The following COL10A1 variants were observed in gnomAD, a reference collection of about 807,000 sequenced individuals.
The protein encoded by COL10A1 is collagen type X alpha 1 chain, also known as collagen alpha-1(X) chain.
A neutral mutation model predicts 18.2 loss-of-function variants in COL10A1; 10 were observed. The ratio of observed to expected loss-of-function variants is 0.55; its 90% CI spans 0.34 to 0.93. The LOEUF is 0.93. Among genes scored for constraint, COL10A1 ranks in the 40% least tolerant of loss-of-function variants. COL10A1 has a pLI of 0.02. For synonymous variants in COL10A1, 330 were observed against 316.6 expected, an observed-to-expected ratio of 1.04 and a Z score of -0.45; for missense variants, 897 against 853.5, an observed-to-expected ratio of 1.05 and a Z score of -0.64.
upstream of COL10A1, among the ~76,000 whole-genome samples, chr6:116,161,142 G>T (rs1213708159): frequency 7.0e-6 from 1 of 142,774 alleles, no homozygotes; most frequent in East Asian, 2.1e-4. Flanking sequence ...ATTGAACAAT[G>T]AGAACACATG....
At chr6:116,198,744 T>TA in the COL10A1 span, among the ~76,000 whole-genome samples, 2 of 151,574 alleles carry the variant, frequency 1.3e-5, no homozygotes, top group African/African-American at 2.4e-5. Context: ...AATATTTTTT[T>TA]AAAAAAAGGA....
intron 1 of COL10A1, among the ~76,000 whole-genome samples, chr6:116,151,363 G>T (rs777377649): frequency 2.0e-5 from 3 of 152,118 alleles, no homozygotes. Context: ...TCTCAAAATT[G>T]TACAGGAAGA....
intron 1 of COL10A1, among the ~76,000 whole-genome samples, chr6:116,137,993 G>T (rs759181902): frequency 6.6e-6 from 1 of 151,920 alleles, no homozygotes; most frequent in South Asian, 2.1e-4. Context: ...CAGGAGAATC[G>T]CTTGAACTTG....
rs1295130927 is a variant in COL10A1, at chr6:116,121,271, C to G, written c.845G>C (p.Gly282Ala). ...PGQPGIPGTK[G>A]LPGAPGIAGP... ...AGCTATTCCTGGAGCCCCAGGGAGA[C>G]CTTTTGTTCCTGGAATCCCTGGCTG... Residue 282 changes from glycine (G) to alanine (A), a missense_variant, in exon 3 of 3, where the codon GGT becomes GCT. By Grantham distance (60) the Gly-to-Ala change is moderately conservative. Transcript: ENST00000651968. 6.2e-7 allele frequency: 1 copy of G among 1,614,010 alleles called. No individual in the cohort carries two copies. The highest frequency in any genetic ancestry group is 8.5e-7 in the Non-Finnish European group (1 of 1,179,968).
intron 1 of COL10A1, among the ~76,000 whole-genome samples, chr6:116,143,321 C>G (rs1377817134): frequency 1.3e-5 from 2 of 152,108 alleles, no homozygotes; most frequent in Non-Finnish European, 2.9e-5. Context: ...AGCAATTCTC[C>G]TGCCTCAACC....
At chr6:116,210,610 C>T in the COL10A1 span, among the ~76,000 whole-genome samples, 3 of 151,788 alleles carry the variant, frequency 2.0e-5, no homozygotes, top group African/African-American at 7.3e-5. Flanking sequence ...GGATTAAATC[C>T]ATTAATAGTT....
At chr6:116,195,218 A>C in the COL10A1 span, among the ~76,000 whole-genome samples, 1 of 152,108 alleles carries the variant, frequency 6.6e-6, no homozygotes. Flanking sequence ...TAGGCATATG[A>C]TAGTAAGAGA....
the COL10A1 span, among the ~76,000 whole-genome samples, chr6:116,201,948 G>A: frequency 6.6e-6 from 1 of 151,998 alleles, no homozygotes; most frequent in Non-Finnish European, 1.5e-5. Flanking sequence ...TTTAGGAACT[G>A]TGAAATAAAG....
At chr6:116,155,889 G>A (rs956605110) in intron 1 of COL10A1, among the ~76,000 whole-genome samples, 1 of 151,614 alleles carries the variant, frequency 6.6e-6, no homozygotes, top group African/African-American at 2.4e-5. Context: ...GGAAGTGGAG[G>A]TAGTGTTTAT....
At chr6:116,197,151 C>CT in the COL10A1 span, among the ~76,000 whole-genome samples, 10 of 151,862 alleles carry the variant, frequency 6.6e-5, no homozygotes, top group Non-Finnish European at 1.5e-4. Flanking sequence ...CTCCTCACCT[C>CT]TACTATCTTC....
the COL10A1 span, among the ~76,000 whole-genome samples, chr6:116,165,870 T>C: frequency 6.6e-6 from 1 of 152,188 alleles, no homozygotes; most frequent in Non-Finnish European, 1.5e-5. Context: ...TTGCAACAAC[T>C]TGGGCTGAGA....
At chr6:116,185,020 G>A in the COL10A1 span, among the ~76,000 whole-genome samples, 38 of 151,970 alleles carry the variant, frequency 2.5e-4, no homozygotes, top group African/African-American at 9.2e-4. Flanking sequence ...TTCCCTCTTA[G>A]CACTGCCTTT....
chr6:116,202,508 G>A, the COL10A1 span, among the ~76,000 whole-genome samples: 1 of 151,792 alleles, frequency 6.6e-6, no homozygotes, highest in Non-Finnish European at 1.5e-5. Context: ...ATTATTATTG[G>A]CAATAGGTTT....
At chr6:116,182,769 G>T in the COL10A1 span, among the ~76,000 whole-genome samples, 2 of 152,006 alleles carry the variant, frequency 1.3e-5, no homozygotes, top group East Asian at 1.9e-4. Context: ...TGAGTTCCTT[G>T]TAGAGTCTAG....
At chr6:116,126,022 C>T (rs1478795097) in intron 1 of COL10A1, 31 bp downstream of exon 1, 1 of 156,088 alleles carries the variant, frequency 6.4e-6, no homozygotes, top group Non-Finnish European at 1.4e-5. Flanking sequence ...AGCAAGTTAA[C>T]ATGGAAGTCC....
At chr6:116,215,307 CAT>C in the COL10A1 span, among the ~76,000 whole-genome samples, 2 of 152,100 alleles carry the variant, frequency 1.3e-5, no homozygotes, top group Non-Finnish European at 2.9e-5. Flanking sequence ...AATTGCAAAA[CAT>C]GGTCTCCAAA....
chr6:116,199,773 G>A, the COL10A1 span, among the ~76,000 whole-genome samples: 1 of 152,018 alleles, frequency 6.6e-6, no homozygotes, highest in African/African-American at 2.4e-5. Flanking sequence ...AATAAATAAA[G>A]TAGTATGGAA....
chr6:116,183,282 T>C, the COL10A1 span, among the ~76,000 whole-genome samples: 4 of 152,128 alleles, frequency 2.6e-5, no homozygotes, highest in Non-Finnish European at 5.9e-5. Flanking sequence ...TATGGCCTTA[T>C]AGTATAGTTC....
the COL10A1 span, among the ~76,000 whole-genome samples, chr6:116,178,658 G>C: frequency 1.3e-5 from 2 of 152,178 alleles, no homozygotes; most frequent in African/African-American, 4.8e-5. Flanking sequence ...TTTGGTAAAG[G>C]CAATTTTACT....
Sources: gnomAD v4.1 joint callset for allele counts (sites outside exome capture counted in the v4.1 genomes callset) on GRCh38, gnomAD v4.1.1 for gene constraint, MANE v1.5 for transcripts, NCBI Gene and HGNC (gene_info 2026-07-23, HGNC 2026-07-21) for gene names.